PBRM1: variants seen among roughly 807,000 people sequenced by gnomAD.
The protein encoded by PBRM1 is polybromo 1, also known as protein polybromo-1.
In PBRM1, 27 loss-of-function variants were observed where a neutral mutation model predicts 194.5. That is an observed-to-expected ratio of 0.14 (90% CI 0.10 to 0.19). PBRM1 has a LOEUF of 0.19. Ranked by LOEUF, PBRM1 falls within the 10% of genes least tolerant of loss-of-function variation. The probability of loss-of-function intolerance (pLI) is 1.00; values close to 1 mark genes in which losing one functional copy is unlikely to be tolerated. For synonymous variants in PBRM1, 655 were observed against 693.2 expected, an observed-to-expected ratio of 0.94 and a Z score of 0.87; for missense variants, 1,466 against 2,077.2, an observed-to-expected ratio of 0.71 and a Z score of 5.72.
At chr3:52,623,030 G>A (rs971599973) in intron 13 of PBRM1, among the ~76,000 whole-genome samples, 2 of 152,150 alleles carry the variant, frequency 1.3e-5, no homozygotes, top group African/African-American at 4.8e-5. Flanking sequence ...GAGGCTTAGA[G>A]ACAGCAAATG....
rs557747564 is a variant in PBRM1, at chr3:52,618,876, C to T, written c.1542-1338G>A. 7.9e-5 allele frequency among the ~76,000 whole-genome samples: 12 copies of T among 152,230 alleles called. No homozygotes were observed. The East Asian group carries it at 1.4e-3, about 17-fold the overall frequency. ...AAGCAATTCTCTTGCCTCAGCCTCC[C>T]GAGTAGCTAGGATTACAGGCATGCA... On this transcript the variant is annotated intron_variant, in intron 13 of 29. Transcript: ENST00000296302.
chr3:52,570,482 AT>A (rs2086696371), intron 22 of PBRM1, among the ~76,000 whole-genome samples: 2 of 152,334 alleles, frequency 1.3e-5, no homozygotes, highest in South Asian at 4.1e-4. Flanking sequence ...AATTTTCCAT[AT>A]TTTATAGAAG....
intron 17 of PBRM1, among the ~76,000 whole-genome samples, chr3:52,599,018 C>CAAAAAAAA (rs59170143): frequency 8.7e-6 from 1 of 114,384 alleles, no homozygotes; most frequent in African/African-American, 3.7e-5. Flanking sequence ...CCAGATATCT[C>CAAAAAAAA]AAAAAAAAAA....
At chr3:52,563,147 A>G (rs1035591228) in intron 24 of PBRM1, 136 bp downstream of exon 26, 1 of 531,818 alleles carries the variant, frequency 1.9e-6, no homozygotes, top group Admixed American at 3.4e-5. Context: ...TGGCACTGAC[A>G]AAATCTGTTC....
intron 29 of PBRM1, among the ~76,000 whole-genome samples, chr3:52,549,702 C>G (rs1233685062): frequency 6.6e-6 from 1 of 151,818 alleles, no homozygotes; most frequent in Non-Finnish European, 1.5e-5. Context: ...GTCAGGAGTT[C>G]GAGACCAGCC....
chr3:52,662,782 C>A (rs34168767), intron 3 of PBRM1, among the ~76,000 whole-genome samples: 51,290 of 149,388 alleles, frequency 0.34, 9,781 homozygotes, highest in Admixed American at 0.46. Context: ...GCCGAGATTG[C>A]GCCACTGCAC....
chr3:52,631,393 C>T (rs369773400), intron 11 of PBRM1, among the ~76,000 whole-genome samples: 2 of 152,156 alleles, frequency 1.3e-5, no homozygotes, highest in Non-Finnish European at 2.9e-5. Context: ...TGTTAGCCAG[C>T]CTTATTTCCT....
chr3:52,606,811 C>G (rs565591452), intron 16 of PBRM1, among the ~76,000 whole-genome samples: 5 of 152,324 alleles, frequency 3.3e-5, no homozygotes, highest in Admixed American at 1.3e-4. Flanking sequence ...AGTGTTTAGT[C>G]TGGGAATACT....
chr3:52,648,525 C>G, intron 6 of PBRM1, 83 bp from the exon 8 acceptor site: 1 of 694,286 alleles, frequency 1.4e-6, no homozygotes, highest in Non-Finnish European at 2.5e-6. Flanking sequence ...CCACATATTT[C>G]TAAATTGTCA....
At chr3:52,653,506 T>C (rs1027272767) in intron 5 of PBRM1, among the ~76,000 whole-genome samples, 1 of 151,552 alleles carries the variant, frequency 6.6e-6, no homozygotes, top group Admixed American at 6.6e-5. Flanking sequence ...GGAGAATCGC[T>C]TGAACCTGGG....
intron 17 of PBRM1, among the ~76,000 whole-genome samples, chr3:52,601,412 A>T (rs2093983671): frequency 6.6e-6 from 1 of 152,178 alleles, no homozygotes; most frequent in Non-Finnish European, 1.5e-5. Context: ...AGGCATTAAG[A>T]GTTTCATAAG....
At chr3:52,645,351 CAG>C (rs1460774179) in intron 7 of PBRM1, among the ~76,000 whole-genome samples, 2 of 148,064 alleles carry the variant, frequency 1.4e-5, no homozygotes, top group African/African-American at 2.5e-5. Context: ...TTGGTGGAGA[CAG>C]AGTCTTACCA....
chr3:52,589,186 T>G, exon 18 of PBRM1: 1 of 1,604,692 alleles, frequency 6.2e-7, no homozygotes, highest in Non-Finnish European at 8.5e-7. Context: ...AAAGCTACAG[T>G]CCTGGCTGTA....
intron 5 of PBRM1, among the ~76,000 whole-genome samples, chr3:52,653,545 C>T (rs1279707859): frequency 2.0e-5 from 3 of 148,626 alleles, no homozygotes; most frequent in Non-Finnish European, 3.0e-5. Context: ...GCTGAGATTG[C>T]TCCATTGCAC....
downstream of PBRM1, chr3:52,547,490 T>C (rs2079826162): frequency 4.3e-6 from 1 of 233,542 alleles, no homozygotes; most frequent in South Asian, 1.8e-4. Flanking sequence ...AATAACCACC[T>C]TTCAAAGAAA....
intron 18 of PBRM1, among the ~76,000 whole-genome samples, chr3:52,588,748 G>A (rs2153802030): frequency 6.6e-6 from 1 of 152,080 alleles, no homozygotes; most frequent in East Asian, 1.9e-4. Context: ...AGTAGAGACA[G>A]GGTTTCACTG....
chr3:52,557,598 A>T (rs1664497595), intron 26 of PBRM1, among the ~76,000 whole-genome samples: 1 of 149,840 alleles, frequency 6.7e-6, no homozygotes, highest in African/African-American at 2.5e-5. Flanking sequence ...ACACAGACAA[A>T]CCACATTCAT....
At chr3:52,672,180 G>C (rs999749092) in intron 2 of PBRM1, among the ~76,000 whole-genome samples, 1 of 152,114 alleles carries the variant, frequency 6.6e-6, no homozygotes, top group African/African-American at 2.4e-5. Flanking sequence ...GCATCCCTTG[G>C]CTTGTAGTCT....
At chr3:52,674,620 T>C (rs1418147809) in intron 2 of PBRM1, among the ~76,000 whole-genome samples, 2 of 125,702 alleles carry the variant, frequency 1.6e-5, no homozygotes, top group Non-Finnish European at 3.2e-5. Flanking sequence ...GGAAACCCTG[T>C]CTCTACCAAA....
Sources: allele counts gnomAD v4.1 joint callset (sites outside exome capture counted in the v4.1 genomes callset), GRCh38; gene constraint gnomAD v4.1.1; transcripts MANE v1.5; gene names NCBI Gene and HGNC (gene_info 2026-07-23, HGNC 2026-07-21).